SLC25A26: variants seen among roughly 807,000 people sequenced by gnomAD.
SLC25A26 encodes the protein mitochondrial S-adenosylmethionine carrier protein.
SLC25A26 carries 36 observed loss-of-function variants against 37.8 expected under a neutral mutation model. That is an observed-to-expected ratio of 0.95 (90% CI 0.73 to 1.26). The LOEUF (loss-of-function observed/expected upper bound fraction) is 1.26. Among genes scored for constraint, SLC25A26 ranks in the 50% most tolerant of loss-of-function variants. The pLI is 0.00. For synonymous variants in SLC25A26, 129 were observed against 122.5 expected (o/e 1.05, Z -0.35); for missense variants, 390 against 331.1 (o/e 1.18, Z -1.38).
intron 6 of SLC25A26, among the ~76,000 whole-genome samples, chr3:66,354,677 A>C (rs1004811019): frequency 6.6e-6 from 1 of 152,188 alleles, no homozygotes; most frequent in Non-Finnish European, 1.5e-5. Context: ...CTCAGTGCTC[A>C]GGGTCTGCAG....
At chr3:66,376,345 T>C (rs754993157) in intron 9 of SLC25A26, among the ~76,000 whole-genome samples, 16 of 152,278 alleles carry the variant, frequency 1.1e-4, no homozygotes, top group Middle Eastern at 3.4e-3. Flanking sequence ...CAAAATGTAT[T>C]GTGTGCTACA....
rs775149866 is a variant in SLC25A26 at position 66,369,476 on chromosome 3, A to G, written c.569-2A>G. Reference sequence around the variant, plus strand: ...CTTGGGTGTTGGGTATTATTTGTACAGGTGGATTTGCCGCTGCAGTCACCA... The same window carrying G: ...CTTGGGTGTTGGGTATTATTTGTACGGGTGGATTTGCCGCTGCAGTCACCA... On this transcript the variant is annotated splice_acceptor_variant, in intron 7 of 9. Transcript: ENST00000354883. LOFTEE classifies it high-confidence loss of function. 2 of 1,602,120 alleles carry G rather than the reference A, an allele frequency of 1.2e-6. No individual in the cohort carries two copies. Among genetic ancestry groups the G allele is most frequent in the Non-Finnish European group, 1.7e-6 (2 of 1,174,220 alleles).
At chr3:66,363,082 GAA>G (rs75455775) in intron 7 of SLC25A26, 153 bp downstream of exon 7, 9 of 128,014 alleles carry the variant, frequency 7.0e-5, no homozygotes, top group Middle Eastern at 3.8e-3. Context: ...TCTTAGAGGG[GAA>G]AAAAAAAAAA....
At chr3:66,346,761 T>TGTGTGTGTGTGTGTGTG (rs1575594080) in intron 6 of SLC25A26, among the ~76,000 whole-genome samples, 1 of 142,234 alleles carries the variant, frequency 7.0e-6, no homozygotes, top group African/African-American at 2.7e-5. Context: ...TGTGTGTGTG[T>TGTGTGTGTGTGTGTGTG]TTAGAAGTTA....
At chr3:66,202,896 A>G (rs2071128760) in intron 1 of SLC25A26, among the ~76,000 whole-genome samples, 1 of 152,190 alleles carries the variant, frequency 6.6e-6, no homozygotes, top group Admixed American at 6.5e-5. Flanking sequence ...AGCTTGACAC[A>G]TTATTTTGCT....
intron 5 of SLC25A26, among the ~76,000 whole-genome samples, chr3:66,295,109 A>T (rs114258769): frequency 6.6e-6 from 1 of 152,276 alleles, no homozygotes; most frequent in South Asian, 2.1e-4. Context: ...TTTACAACCT[A>T]TTTTGTAACT....
chr3:66,158,854 A>T (rs151213315), intron 1 of SLC25A26, among the ~76,000 whole-genome samples: 1 of 152,150 alleles, frequency 6.6e-6, no homozygotes, highest in South Asian at 2.1e-4. Flanking sequence ...GTAAAGCCCA[A>T]GAAGTTCCTG....
At chr3:66,278,209 C>T (rs911366331) in intron 5 of SLC25A26, among the ~76,000 whole-genome samples, 1 of 152,060 alleles carries the variant, frequency 6.6e-6, no homozygotes, top group African/African-American at 2.4e-5. Flanking sequence ...TTTTAAAAAA[C>T]AAACTAAAAT....
intron 1 of SLC25A26, among the ~76,000 whole-genome samples, chr3:66,187,309 G>T (rs2070847527): frequency 6.6e-6 from 1 of 151,542 alleles, no homozygotes. Context: ...AAGTGATTCT[G>T]ACCTTGGATC....
At chr3:66,236,440 A>G (rs889186904) in intron 1 of SLC25A26, 104 bp from the exon 2 acceptor site, 120 of 828,460 alleles carry the variant, frequency 1.4e-4, no homozygotes, top group Middle Eastern at 3.5e-4. Flanking sequence ...GGAATGAGAA[A>G]TGTGCTTTAA....
At chr3:66,140,530 C>T (rs887366849) in intron 1 of SLC25A26, among the ~76,000 whole-genome samples, 10 of 152,156 alleles carry the variant, frequency 6.6e-5, no homozygotes, top group Admixed American at 6.5e-5. Context: ...CTAGAACCTT[C>T]GAATGAATTC....
chr3:66,323,449 T>C (rs2075749862), intron 5 of SLC25A26, among the ~76,000 whole-genome samples: 1 of 152,170 alleles, frequency 6.6e-6, no homozygotes, highest in Non-Finnish European at 1.5e-5. Flanking sequence ...GAGAAAGAGT[T>C]TAATACACAT....
At chr3:66,330,966 A>G (rs1450711969) in intron 5 of SLC25A26, among the ~76,000 whole-genome samples, 4 of 152,210 alleles carry the variant, frequency 2.6e-5, no homozygotes, top group East Asian at 3.9e-4. Flanking sequence ...GAGAGTTTGT[A>G]TATCTCAGTC....
chr3:66,146,360 A>G (rs561152790), intron 1 of SLC25A26, among the ~76,000 whole-genome samples: 24 of 151,964 alleles, frequency 1.6e-4, no homozygotes, highest in Non-Finnish European at 3.2e-4. Flanking sequence ...AAAAGATAAA[A>G]ATCTAATAAT....
intron 1 of SLC25A26, among the ~76,000 whole-genome samples, chr3:66,172,410 GAAAA>G (rs1199322248): frequency 1.9e-4 from 14 of 75,210 alleles, no homozygotes; most frequent in East Asian, 4.5e-4. Context: ...TACCTGTAAA[GAAAA>G]AAAAAAAAAA....
At chr3:66,191,090 A>G (rs1420198184) in intron 1 of SLC25A26, among the ~76,000 whole-genome samples, 1 of 152,198 alleles carries the variant, frequency 6.6e-6, no homozygotes. Context: ...GTAAACTGAG[A>G]TGGACATAAG....
chr3:66,303,354 T>C (rs941032925), intron 5 of SLC25A26, among the ~76,000 whole-genome samples: 2 of 152,220 alleles, frequency 1.3e-5, no homozygotes, highest in African/African-American at 4.8e-5. Context: ...GCTAACTGTG[T>C]TGGAGGAACT....
At chr3:66,362,986 A>G in intron 7 of SLC25A26, 57 bp downstream of exon 7, 1 of 1,177,678 alleles carries the variant, frequency 8.5e-7, no homozygotes, top group Non-Finnish European at 1.2e-6. Context: ...ATGTGAAAAT[A>G]TTAACTATGC....
At chr3:66,237,742 A>G (rs1040797639) in intron 2 of SLC25A26, among the ~76,000 whole-genome samples, 1 of 152,198 alleles carries the variant, frequency 6.6e-6, no homozygotes, top group Non-Finnish European at 1.5e-5. Context: ...TTTGAAAGTA[A>G]ACTAAAGCAA....
Sources: gnomAD v4.1 joint callset for allele counts (sites outside exome capture counted in the v4.1 genomes callset) on GRCh38, gnomAD v4.1.1 for gene constraint, MANE v1.5 for transcripts, NCBI Gene and HGNC (gene_info 2026-07-23, HGNC 2026-07-21) for gene names.